GRIK4: variants seen among roughly 807,000 people sequenced by gnomAD.
The protein encoded by GRIK4 is glutamate receptor ionotropic, kainate 4.
In GRIK4, 40 loss-of-function variants were observed where a neutral mutation model predicts 104.9. The observed-to-expected ratio is 0.38, with a 90% CI of 0.30 to 0.50. GRIK4 has a LOEUF of 0.50. Ranked by LOEUF, GRIK4 falls within the 20% of genes least tolerant of loss-of-function variation. The probability of loss-of-function intolerance (pLI) is 0.93; values close to 1 mark genes in which losing one functional copy is unlikely to be tolerated. For missense variants in GRIK4, 1,047 were observed against 1,308.1 expected (o/e 0.80, Z 3.08); for synonymous variants, 485 against 524.9 (o/e 0.92, Z 1.04).
chr11:120,936,961 C>T (rs536200015), intron 13 of GRIK4, among the ~76,000 whole-genome samples: 4 of 152,216 alleles, frequency 2.6e-5, no homozygotes, highest in African/African-American at 9.6e-5. Flanking sequence ...AATCACAGTC[C>T]CAGCCCCCTA....
intron 1 of GRIK4, among the ~76,000 whole-genome samples, chr11:120,618,368 T>C (rs1949141897): frequency 6.6e-6 from 1 of 152,192 alleles, no homozygotes; most frequent in Admixed American, 6.5e-5. Context: ...AGCTGGAACT[T>C]ATATTTAAAA....
chr11:120,872,793 A>G (rs1268797826), intron 9 of GRIK4: 1 of 174,586 alleles, frequency 5.7e-6, no homozygotes, highest in African/African-American at 2.4e-5. Context: ...GGGACCCCGC[A>G]TACATTAACA....
At chr11:120,849,137 A>T (rs1953918940) in intron 8 of GRIK4, among the ~76,000 whole-genome samples, 1 of 152,108 alleles carries the variant, frequency 6.6e-6, no homozygotes, top group Non-Finnish European at 1.5e-5. Flanking sequence ...ATTGAAACGC[A>T]TTGCTTGTAT....
chr11:120,685,430 G>A (rs916067812), intron 3 of GRIK4, among the ~76,000 whole-genome samples: 13 of 152,144 alleles, frequency 8.5e-5, no homozygotes, highest in Admixed American at 3.3e-4. Context: ...TCCTGGGTCC[G>A]CCCGTACCCC....
intron 11 of GRIK4, among the ~76,000 whole-genome samples, chr11:120,896,174 T>C (rs747309758): frequency 6.6e-6 from 1 of 152,142 alleles, no homozygotes; most frequent in African/African-American, 2.4e-5. Flanking sequence ...AACAAGCATG[T>C]GCAATTGAAT....
chr11:120,892,219 T>C (rs1300201924), intron 11 of GRIK4, among the ~76,000 whole-genome samples: 12 of 151,950 alleles, frequency 7.9e-5, no homozygotes, highest in Admixed American at 6.6e-4. Context: ...GCAGCACAGG[T>C]AAAGCTGGAC....
At chr11:120,947,401 CAAAAAAA>C (rs34759788) in intron 14 of GRIK4, among the ~76,000 whole-genome samples, 1 of 124,112 alleles carries the variant, frequency 8.1e-6, no homozygotes, top group African/African-American at 3.2e-5. Context: ...GACTCTGTCT[CAAAAAAA>C]AAAAAAAAAG....
intron 13 of GRIK4, among the ~76,000 whole-genome samples, chr11:120,934,617 C>T (rs951980513): frequency 6.6e-5 from 10 of 152,280 alleles, no homozygotes; most frequent in South Asian, 6.2e-4. Context: ...GGCTGGCTCC[C>T]GCCTGCCCTC....
intron 11 of GRIK4, among the ~76,000 whole-genome samples, chr11:120,895,496 A>G (rs1942553181): frequency 6.6e-6 from 1 of 152,186 alleles, no homozygotes; most frequent in African/African-American, 2.4e-5. Flanking sequence ...TGGAGTGTCA[A>G]GACCAAGGAG....
intron 1 of GRIK4, among the ~76,000 whole-genome samples, chr11:120,647,622 C>T (rs1949560770): frequency 6.6e-6 from 1 of 152,258 alleles, no homozygotes; most frequent in Non-Finnish European, 1.5e-5. Flanking sequence ...GAAGGTCTCT[C>T]CCCACCCGGC....
At chr11:120,856,585 C>T (rs757226145) in intron 8 of GRIK4, among the ~76,000 whole-genome samples, 3 of 152,142 alleles carry the variant, frequency 2.0e-5, no homozygotes, top group Non-Finnish European at 2.9e-5. Flanking sequence ...TTGAGGCTGT[C>T]TCTGAAGTTT....
chr11:120,669,683 G>A (rs555744717), intron 3 of GRIK4, among the ~76,000 whole-genome samples: 21 of 152,116 alleles, frequency 1.4e-4, no homozygotes, highest in Non-Finnish European at 2.6e-4. Flanking sequence ...TCTAGACCAC[G>A]CCCCATCTTG....
intron 9 of GRIK4, 135 bp from the exon 10 acceptor site, chr11:120,873,930 GA>G: frequency 1.3e-6 from 1 of 754,884 alleles, no homozygotes; most frequent in Non-Finnish European, 2.2e-6. Context: ...GGCCAAGGGT[GA>G]TGAAGATGCA....
At chr11:120,538,221 A>AGG (rs1165611555) in intron 1 of GRIK4, among the ~76,000 whole-genome samples, 2 of 152,234 alleles carry the variant, frequency 1.3e-5, no homozygotes, top group Admixed American at 6.5e-5. Flanking sequence ...TTTCCAAGAC[A>AGG]GGGCCGCGCA....
intron 3 of GRIK4, among the ~76,000 whole-genome samples, chr11:120,716,827 A>C (rs1391207053): frequency 6.6e-6 from 1 of 152,148 alleles, no homozygotes; most frequent in Non-Finnish European, 1.5e-5. Flanking sequence ...CGCTCTGCTC[A>C]TCAGAGTGCT....
intron 1 of GRIK4, among the ~76,000 whole-genome samples, chr11:120,569,643 C>T (rs779934195): frequency 6.6e-6 from 1 of 152,074 alleles, no homozygotes. Flanking sequence ...AGTAGTGATG[C>T]GTAGAGTGAC....
chr11:120,802,681 G>C lies in GRIK4; in HGVS notation c.83-12G>C, dbSNP rs533947946. The stretch of plus-strand genomic sequence containing the variant: ...GAGTACCAATTGTCTCCATGTGGTT[G>C]CCTGCCCACAGCTGCTATCTTGGAC... On this transcript the variant is annotated splice_polypyrimidine_tract_variant and intron_variant, in intron 3 of 20. Coordinates refer to ENST00000527524, the MANE Select transcript of GRIK4 (RefSeq NM_014619.5). 4.5e-5 allele frequency: 72 copies of C among 1,611,614 alleles called. 1 individual carries two copies. The Middle Eastern group carries it at 5.6e-4, about 13-fold the overall frequency.
chr11:120,953,182 C>A lies in GRIK4; in HGVS notation c.1700+218C>A, dbSNP rs1041910032. ...TCCAAACATTCCCCACTGTGCACGA[C>A]GCAGACAGGTGGCTTGGCTTCTGCA... On this transcript the variant is annotated intron_variant, in intron 15 of 20. Transcript: ENST00000527524. This position sits in a 1 kb window ranked among gnomAD's most constrained non-coding sequence, Gnocchi z 4.9. Among the ~76,000 whole-genome samples the A allele has an allele frequency of 6.6e-6, 1 of 152,044 alleles. No individual in the cohort carries two copies. Among genetic ancestry groups the A allele is most frequent in the Admixed American group, 6.6e-5 (1 of 15,262 alleles).
intron 1 of GRIK4, among the ~76,000 whole-genome samples, chr11:120,589,906 A>G (rs778896191): frequency 6.6e-6 from 1 of 152,146 alleles, no homozygotes; most frequent in Non-Finnish European, 1.5e-5. Flanking sequence ...GCAGGAAAGG[A>G]CCTCAAAGGT....
Sources: gnomAD v4.1 joint callset for allele counts (sites outside exome capture counted in the v4.1 genomes callset) on GRCh38, gnomAD v4.1.1 for gene constraint, Gnocchi (gnomAD v3.1) non-coding constraint, MANE v1.5 for transcripts, NCBI Gene and HGNC (gene_info 2026-07-23, HGNC 2026-07-21) for gene names.